GABRA5: variants seen among roughly 807,000 people sequenced by gnomAD.
GABRA5 encodes gamma-aminobutyric acid receptor subunit alpha-5.
GABRA5 carries 18 observed loss-of-function variants against 47.3 expected under a neutral mutation model. The observed-to-expected ratio is 0.38, with a 90% confidence interval of 0.26 to 0.56. The LOEUF is 0.56. Among genes scored for constraint, GABRA5 ranks in the 20% least tolerant of loss-of-function variants. GABRA5 has a pLI of 0.71. For synonymous variants in GABRA5, 237 were observed against 229.3 expected (o/e 1.03, Z -0.30); for missense variants, 365 against 599.3 (o/e 0.61, Z 4.08).
chr15:26,870,938 TC>T (rs1321021745), intron 3 of GABRA5, among the ~76,000 whole-genome samples: 2 of 152,220 alleles, frequency 1.3e-5, no homozygotes, highest in African/African-American at 4.8e-5. Flanking sequence ...ATGCTTGTAA[TC>T]CCAGCACTTT....
In GABRA5 at chr15:26,883,505, C is replaced by T; in HGVS notation, c.445C>T (p.Pro149Ser). The T allele has an allele frequency of 6.2e-7, 1 of 1,614,036 alleles. No individual in the cohort carries two copies. The highest frequency in any genetic ancestry group is 2.2e-5 in the East Asian group (1 of 44,848). Residue 149 changes from proline to serine, a missense_variant, in exon 6 of 11, where the codon CCC (proline) becomes TCC (serine). Coordinates refer to ENST00000335625, the MANE Select transcript of GABRA5 (RefSeq NM_000810.4). This position sits in a 1 kb window ranked among gnomAD's most constrained non-coding sequence, Gnocchi z 4.8. ...KKSIAHNMTT[P>S]NKLLRLEDDG... ...GTCCATCGCTCACAACATGACCACG[C>T]CCAACAAGCTGCTGCGGCTGGAGGA... is the stretch of plus-strand genomic sequence containing the variant.
intron 2 of GABRA5, 118 bp downstream of exon 2, chr15:26,868,911 C>A: frequency 4.6e-6 from 1 of 216,828 alleles, no homozygotes; most frequent in Non-Finnish European, 9.3e-6. Flanking sequence ...AAAAACAAAA[C>A]AGAGTATTTG....
chr15:26,919,193 T>G (rs1893786453), intron 7 of GABRA5, among the ~76,000 whole-genome samples: 1 of 152,138 alleles, frequency 6.6e-6, no homozygotes, highest in Admixed American at 6.6e-5. Context: ...TTCTTATCCA[T>G]TCAAACTCTC....
chr15:26,933,631 A>G (rs1330261153), intron 7 of GABRA5, among the ~76,000 whole-genome samples: 1 of 152,090 alleles, frequency 6.6e-6, no homozygotes, highest in Admixed American at 6.5e-5. Context: ...CCATAACCCT[A>G]TGTGATTCTG....
intron 9 of GABRA5, among the ~76,000 whole-genome samples, chr15:26,942,067 G>A (rs1894397034): frequency 6.6e-6 from 1 of 152,202 alleles, no homozygotes; most frequent in Non-Finnish European, 1.5e-5. Context: ...GCTAGCAGGT[G>A]GAAGCTATGT....
intron 4 of GABRA5, among the ~76,000 whole-genome samples, chr15:26,882,452 A>G (rs560702526): frequency 8.8e-4 from 134 of 152,266 alleles, no homozygotes; most frequent in East Asian, 1.5e-3. Flanking sequence ...GCTGCAGTGC[A>G]CTTTGAATTG....
At chr15:26,912,093 G>A (rs766542820) in intron 6 of GABRA5, among the ~76,000 whole-genome samples, 2 of 152,258 alleles carry the variant, frequency 1.3e-5, no homozygotes, top group Non-Finnish European at 2.9e-5. Context: ...TGAGCCCCGC[G>A]TGTTCCTGTT....
chr15:26,930,000 CTTCTTCT>C (rs1177347228), intron 7 of GABRA5, among the ~76,000 whole-genome samples: 26 of 122,932 alleles, frequency 2.1e-4, no homozygotes, highest in African/African-American at 4.0e-4. Flanking sequence ...TCTTCTTCTT[CTTCTTCT>C]TTTTTTTTTT....
chr15:26,948,055 C>A lies in GABRA5; in HGVS notation c.1211C>A (p.Ser404Ter). 1 of 1,608,788 alleles carries A rather than the reference C, an allele frequency of 6.2e-7. No homozygotes were observed. Residue 404 changes from serine (S) to a stop codon, truncating the protein, a stop_gained, in exon 11 of 11, where the codon TCA (serine) becomes TAA (stop). Transcript: ENST00000335625. LOFTEE classifies it high-confidence loss of function. ...GGGACGTCGAATACAACCTCAGTCT[C>A]AGTAAAACCCTCTGAAGAGAAGACT... Reference protein sequence around the residue: ...PAGTSNTTSVSVKPSEEKTSE... With the variant: ...PAGTSNTTSV
At chr15:26,884,304 G>A (rs61996953) in intron 6 of GABRA5, among the ~76,000 whole-genome samples, 4,234 of 152,202 alleles carry the variant, frequency 0.028, 91 homozygotes, top group Non-Finnish European at 0.044. Flanking sequence ...CAATGTTGAG[G>A]TTAAGTTTTA....
At chr15:26,873,017 A>T (rs1201010853) in intron 3 of GABRA5, among the ~76,000 whole-genome samples, 1 of 152,202 alleles carries the variant, frequency 6.6e-6, no homozygotes, top group East Asian at 1.9e-4. Flanking sequence ...TGTTAGTTTT[A>T]AATTATGGAA....
intron 6 of GABRA5, among the ~76,000 whole-genome samples, chr15:26,907,044 T>C (rs1893460609): frequency 6.6e-6 from 1 of 152,168 alleles, no homozygotes; most frequent in Non-Finnish European, 1.5e-5. Context: ...CAGTGAGAAG[T>C]TTTAGCCCAG....
At chr15:26,879,886 C>T (rs568632083) in intron 3 of GABRA5, among the ~76,000 whole-genome samples, 16 of 152,306 alleles carry the variant, frequency 1.1e-4, no homozygotes, top group African/African-American at 3.8e-4. Flanking sequence ...TTCTTGGGAA[C>T]CACAGCTGGC....
At chr15:26,943,737 A>G (rs1894444445) in intron 10 of GABRA5, among the ~76,000 whole-genome samples, 1 of 152,154 alleles carries the variant, frequency 6.6e-6, no homozygotes, top group Non-Finnish European at 1.5e-5. Context: ...CGCTCATTTT[A>G]TCTCATTTCA....
chr15:26,929,936 C>T (rs1429499075), intron 7 of GABRA5, among the ~76,000 whole-genome samples: 2 of 151,886 alleles, frequency 1.3e-5, no homozygotes, highest in African/African-American at 4.8e-5. Context: ...TCATTCCTTT[C>T]AAAATAGATA....
intron 6 of GABRA5, among the ~76,000 whole-genome samples, chr15:26,891,737 T>G (rs1458084591): frequency 6.6e-6 from 1 of 152,178 alleles, no homozygotes; most frequent in Non-Finnish European, 1.5e-5. Flanking sequence ...CCTCAGGTCC[T>G]CCCTAGTGCG....
At chr15:26,926,509 G>T (rs1271506894) in intron 7 of GABRA5, among the ~76,000 whole-genome samples, 1 of 152,094 alleles carries the variant, frequency 6.6e-6, no homozygotes, top group Admixed American at 6.6e-5. Context: ...AATGGAAAGG[G>T]ACTATCTCTG....
At chr15:26,881,774 A>T (rs989240255) in intron 4 of GABRA5, among the ~76,000 whole-genome samples, 16 of 152,116 alleles carry the variant, frequency 1.1e-4, no homozygotes, top group Admixed American at 1.0e-3. Flanking sequence ...ATCTCGGCTC[A>T]CTGCAACCTC....
rs551902401 is a variant in GABRA5 at position 26,939,628 on chromosome 15, G to A, written c.725-297G>A. On this transcript the variant is annotated intron_variant, in intron 8 of 10. Coordinates refer to ENST00000335625, the MANE Select transcript of GABRA5 (RefSeq NM_000810.4). ...TAATTGCAGAAGCAGGCGAGGGAGT[G>A]GGGGGAGAGAGGCACAGATTGTGAC... is the stretch of plus-strand genomic sequence containing the variant. 5.3e-5 allele frequency: 32 copies of A among 599,624 alleles called. No homozygotes were observed. In the South Asian group the frequency reaches 5.4e-4, roughly 10 times the overall value. 37.1% of individuals were successfully genotyped at this position (599,624 alleles called of 1,614,324 possible).
Sources: gnomAD v4.1 joint callset for allele counts (sites outside exome capture counted in the v4.1 genomes callset) on GRCh38, gnomAD v4.1.1 for gene constraint, Gnocchi (gnomAD v3.1) non-coding constraint, MANE v1.5 for transcripts, NCBI Gene and HGNC (gene_info 2026-07-23, HGNC 2026-07-21) for gene names.